The following LRRTM4 variants were observed in gnomAD, a reference collection of about 807,000 sequenced individuals.
LRRTM4 encodes the protein leucine rich repeat transmembrane neuronal 4.
In LRRTM4, 25 loss-of-function variants were observed where a neutral mutation model predicts 47.6. The observed-to-expected ratio is 0.53, with a 90% CI of 0.38 to 0.73. LRRTM4 has a LOEUF of 0.73. Among genes scored for constraint, LRRTM4 ranks in the 30% least tolerant of loss-of-function variants. The pLI, the probability that LRRTM4 is intolerant of heterozygous loss-of-function variation, is 0.00. For missense variants in LRRTM4, 638 were observed against 713.4 expected (o/e 0.89, Z 1.20); for synonymous variants, 311 against 269.5 (o/e 1.15, Z -1.51).
chr2:77,053,219 T>C (rs1463875735), intron 3 of LRRTM4, among the ~76,000 whole-genome samples: 2 of 152,190 alleles, frequency 1.3e-5, no homozygotes, highest in Non-Finnish European at 1.5e-5. Flanking sequence ...TTTGTAGATA[T>C]GACAACTTTC....
intron 3 of LRRTM4, among the ~76,000 whole-genome samples, chr2:77,408,170 C>G (rs1431389847): frequency 2.0e-5 from 3 of 152,090 alleles, no homozygotes; most frequent in African/African-American, 7.2e-5. Flanking sequence ...CATTCCTATC[C>G]TTTAATCCTG....
intron 3 of LRRTM4, among the ~76,000 whole-genome samples, chr2:77,315,197 G>T (rs568260970): frequency 6.6e-6 from 1 of 151,514 alleles, no homozygotes; most frequent in South Asian, 2.1e-4. Context: ...TTCTGGAATA[G>T]TGTGTGACAT....
intron 3 of LRRTM4, among the ~76,000 whole-genome samples, chr2:76,758,074 C>G (rs1417410104): frequency 1.3e-5 from 2 of 152,058 alleles, no homozygotes; most frequent in African/African-American, 2.4e-5. Context: ...TTTGTGTAGT[C>G]TTCAATTTGG....
intron 3 of LRRTM4, among the ~76,000 whole-genome samples, chr2:77,159,311 T>C (rs1250667074): frequency 6.6e-6 from 1 of 152,140 alleles, no homozygotes; most frequent in African/African-American, 2.4e-5. Context: ...GTGTATGTAT[T>C]ACATACTGCA....
At chr2:76,892,392 T>C (rs2103716770) in intron 3 of LRRTM4, among the ~76,000 whole-genome samples, 1 of 151,892 alleles carries the variant, frequency 6.6e-6, no homozygotes, top group African/African-American at 2.4e-5. Flanking sequence ...ACATAAATAA[T>C]TACTATTATT....
chr2:77,020,856 T>C (rs1424548216), intron 3 of LRRTM4, among the ~76,000 whole-genome samples: 1 of 152,208 alleles, frequency 6.6e-6, no homozygotes, highest in African/African-American at 2.4e-5. Flanking sequence ...AGGATCATTT[T>C]CTGTCCATGG....
intron 3 of LRRTM4, among the ~76,000 whole-genome samples, chr2:77,332,980 C>T (rs115921931): frequency 1.4e-3 from 210 of 152,266 alleles, no homozygotes; most frequent in African/African-American, 4.9e-3. Context: ...CGGGTCTTTC[C>T]TGGGCTGTTC....
chr2:77,134,805 C>G (rs540482971), intron 3 of LRRTM4, among the ~76,000 whole-genome samples: 1 of 152,154 alleles, frequency 6.6e-6, no homozygotes, highest in South Asian at 2.1e-4. Flanking sequence ...CTTTTTTCAT[C>G]ATTTAAGTAG....
At chr2:76,887,178 T>TGTG in intron 3 of LRRTM4, among the ~76,000 whole-genome samples, 1 of 151,750 alleles carries the variant, frequency 6.6e-6, no homozygotes, top group East Asian at 1.9e-4. Flanking sequence ...GAAGTATACA[T>TGTG]TATTCAAAAA....
At chr2:76,766,003 GAATTTATCT>G (rs1265888341) in intron 3 of LRRTM4, among the ~76,000 whole-genome samples, 1 of 152,170 alleles carries the variant, frequency 6.6e-6, no homozygotes, top group African/African-American at 2.4e-5. Context: ...GGCTTTAGTG[GAATTTATCT>G]AATTTATAGA....
At position 77,243,351 on chromosome 2, in the gene LRRTM4, G is replaced by A. The variant is rs369435961; in HGVS notation, c.1551+274967C>T. Among the ~76,000 whole-genome samples, 25 of 150,786 alleles carry A rather than the reference G, an allele frequency of 1.7e-4. 1 individual carries two copies. The highest frequency in any genetic ancestry group is 4.0e-4 in the Admixed American group (6 of 15,114). ...CTTGAACCTGGGAGGCGGAGGTTGC[G>A]GTGAGCCGAGATCGTGCCATTGCAC... is the stretch of plus-strand genomic sequence containing the variant. On this transcript the variant is annotated intron_variant, in intron 3 of 3. Transcript: ENST00000409884.
At chr2:77,131,224 T>C (rs1671795919) in intron 3 of LRRTM4, among the ~76,000 whole-genome samples, 2 of 152,172 alleles carry the variant, frequency 1.3e-5, no homozygotes, top group African/African-American at 4.8e-5. Flanking sequence ...AAGCCGCAAG[T>C]AAATGATTTA....
At chr2:77,416,135 T>G (rs2103870460) in intron 3 of LRRTM4, among the ~76,000 whole-genome samples, 1 of 152,278 alleles carries the variant, frequency 6.6e-6, no homozygotes, top group South Asian at 2.1e-4. Context: ...ACTTTCCTTT[T>G]GTTTGGTGAC....
intron 3 of LRRTM4, among the ~76,000 whole-genome samples, chr2:76,815,363 C>T (rs554489854): frequency 2.6e-5 from 4 of 151,996 alleles, no homozygotes; most frequent in African/African-American, 4.8e-5. Flanking sequence ...CTGCCAGAAG[C>T]GAGATATTCA....
At chr2:76,873,556 T>C (rs1276892070) in intron 3 of LRRTM4, among the ~76,000 whole-genome samples, 1 of 129,588 alleles carries the variant, frequency 7.7e-6, no homozygotes, top group African/African-American at 2.7e-5. Flanking sequence ...TAAAATCAAC[T>C]TTGGAAAAAG....
At chr2:77,009,506 A>T (rs1677789438) in intron 3 of LRRTM4, 1 of 152,132 alleles carries the variant, frequency 6.6e-6, no homozygotes, top group Non-Finnish European at 1.5e-5. Context: ...GACACATTAA[A>T]TATTAGTAAA....
intron 3 of LRRTM4, among the ~76,000 whole-genome samples, chr2:77,411,451 C>CAT (rs1674423390): frequency 8.6e-6 from 1 of 116,044 alleles, no homozygotes; most frequent in Non-Finnish European, 1.8e-5. Flanking sequence ...TCTCTTTCTT[C>CAT]TTTTTTTTTT....
intron 3 of LRRTM4, among the ~76,000 whole-genome samples, chr2:77,139,257 A>G (rs1278817338): frequency 6.6e-6 from 1 of 152,200 alleles, no homozygotes; most frequent in East Asian, 1.9e-4. Flanking sequence ...CCAGCAGCGC[A>G]TCAAAAAGCT....
At chr2:76,777,355 G>A (rs1558645652) in intron 3 of LRRTM4, among the ~76,000 whole-genome samples, 1 of 141,594 alleles carries the variant, frequency 7.1e-6, no homozygotes, top group African/African-American at 2.6e-5. Flanking sequence ...TGGGCAGTAT[G>A]GCCATTTTCA....
Sources: allele counts gnomAD v4.1 joint callset (sites outside exome capture counted in the v4.1 genomes callset), GRCh38; gene constraint gnomAD v4.1.1; transcripts MANE v1.5; gene names NCBI Gene and HGNC (gene_info 2026-07-23, HGNC 2026-07-21).